SUMF1: variants seen among roughly 807,000 people sequenced by gnomAD.
The protein encoded by SUMF1 is sulfatase modifying factor 1.
SUMF1 carries 48 observed loss-of-function variants against 47.6 expected under a neutral mutation model. The ratio of observed to expected loss-of-function variants is 1.01; its 90% confidence interval spans 0.80 to 1.28. The LOEUF (loss-of-function observed/expected upper bound fraction) is 1.28, where lower values mean the gene tolerates loss of function less well. Among genes scored for constraint, SUMF1 ranks in the 50% most tolerant of loss-of-function variants. The pLI is 0.00. For synonymous variants in SUMF1, 230 were observed against 192.1 expected, an observed-to-expected ratio of 1.20 and a Z score of -1.63; for missense variants, 571 against 485.4, an observed-to-expected ratio of 1.18 and a Z score of -1.66.
chr3:4,034,908 A>G (rs1188475227), intron 9 of SUMF1, among the ~76,000 whole-genome samples: 1 of 151,856 alleles, frequency 6.6e-6, no homozygotes, highest in Non-Finnish European at 1.5e-5. Context: ...AGATCAGCAG[A>G]TTACGGTGTA....
intron 8 of SUMF1, among the ~76,000 whole-genome samples, chr3:4,137,563 T>C (rs139076896): frequency 2.6e-5 from 4 of 152,214 alleles, no homozygotes; most frequent in Non-Finnish European, 4.4e-5. Context: ...ATGGCACACG[T>C]ATACATAGGT....
chr3:4,258,961 T>C (rs1373087146), intron 8 of SUMF1, among the ~76,000 whole-genome samples: 1 of 147,914 alleles, frequency 6.8e-6, no homozygotes, highest in African/African-American at 2.5e-5. Context: ...ATGTCCTTTG[T>C]AGGGACATGG....
At chr3:4,057,513 C>T (rs1172827141) in intron 9 of SUMF1, among the ~76,000 whole-genome samples, 2 of 152,176 alleles carry the variant, frequency 1.3e-5, no homozygotes, top group African/African-American at 4.8e-5. Flanking sequence ...TCAAGTCCCA[C>T]CTTCACAATT....
chr3:4,354,609 AT>A (rs1559239685), intron 8 of SUMF1, among the ~76,000 whole-genome samples: 1 of 152,174 alleles, frequency 6.6e-6, no homozygotes, highest in Non-Finnish European at 1.5e-5. Context: ...AAGTTTGGGG[AT>A]TAATCATGCC....
chr3:4,214,064 T>C (rs1417221287), intron 8 of SUMF1, among the ~76,000 whole-genome samples: 1 of 152,148 alleles, frequency 6.6e-6, no homozygotes, highest in Non-Finnish European at 1.5e-5. Flanking sequence ...GCAGACCTAA[T>C]AGATATCTAC....
chr3:4,367,056 C>T (rs1473184121), intron 8 of SUMF1, among the ~76,000 whole-genome samples: 2 of 152,168 alleles, frequency 1.3e-5, no homozygotes, highest in Admixed American at 1.3e-4. Context: ...GCGAATGCTG[C>T]TGTCTGATTG....
chr3:4,054,251 T>C (rs575801329), intron 9 of SUMF1, among the ~76,000 whole-genome samples: 1 of 152,282 alleles, frequency 6.6e-6, no homozygotes, highest in East Asian at 1.9e-4. Flanking sequence ...AGCTCTAGTA[T>C]GGCTTTCAAA....
At chr3:4,386,682 A>G (rs1312240087) in intron 7 of SUMF1, among the ~76,000 whole-genome samples, 1 of 152,050 alleles carries the variant, frequency 6.6e-6, no homozygotes, top group Non-Finnish European at 1.5e-5. Context: ...CTTTTTCCCA[A>G]TATTAGTGGG....
intron 8 of SUMF1, among the ~76,000 whole-genome samples, chr3:4,213,450 G>A (rs1695844395): frequency 6.6e-6 from 1 of 152,144 alleles, no homozygotes; most frequent in African/African-American, 2.4e-5. Flanking sequence ...TCCAGCCACT[G>A]CAAAAACAAA....
At chr3:4,151,108 G>C (rs1318528121) in intron 8 of SUMF1, among the ~76,000 whole-genome samples, 1 of 151,222 alleles carries the variant, frequency 6.6e-6, no homozygotes, top group African/African-American at 2.5e-5. Context: ...AAACAGTGTA[G>C]CACAGTCTGT....
chr3:4,248,954 C>A (rs1044305398), intron 8 of SUMF1, among the ~76,000 whole-genome samples: 1 of 152,130 alleles, frequency 6.6e-6, no homozygotes. Context: ...ACAAACAGAC[C>A]ACCAGTGGCC....
At chr3:4,215,890 A>G (rs1024338204) in intron 8 of SUMF1, among the ~76,000 whole-genome samples, 20 of 152,198 alleles carry the variant, frequency 1.3e-4, no homozygotes, top group African/African-American at 3.9e-4. Context: ...GAAATAAGAG[A>G]GGTCACAAAC....
At chr3:4,070,289 C>A (rs1267624988) in intron 8 of SUMF1, among the ~76,000 whole-genome samples, 3 of 152,108 alleles carry the variant, frequency 2.0e-5, no homozygotes, top group Non-Finnish European at 4.4e-5. Flanking sequence ...GTTCTCAGGA[C>A]CTTCTGAAGG....
At chr3:4,426,174 C>T (rs1246103472) in intron 3 of SUMF1, among the ~76,000 whole-genome samples, 1 of 152,186 alleles carries the variant, frequency 6.6e-6, no homozygotes, top group African/African-American at 2.4e-5. Flanking sequence ...CATTCCTCAA[C>T]CTCCAAACTT....
chr3:4,287,469 G>A (rs1697656234), intron 8 of SUMF1, among the ~76,000 whole-genome samples: 3 of 150,654 alleles, frequency 2.0e-5, no homozygotes, highest in African/African-American at 4.9e-5. Context: ...GTTGGTCACC[G>A]CACAACCTTC....
At chr3:4,214,638 A>G (rs1695876748) in intron 8 of SUMF1, among the ~76,000 whole-genome samples, 1 of 152,176 alleles carries the variant, frequency 6.6e-6, no homozygotes, top group Admixed American at 6.5e-5. Context: ...GAAAAGATCA[A>G]CTAAATAGAT....
intron 8 of SUMF1, among the ~76,000 whole-genome samples, chr3:4,272,163 T>C (rs1175480882): frequency 6.6e-6 from 1 of 152,220 alleles, no homozygotes; most frequent in Non-Finnish European, 1.5e-5. Context: ...AGTGTAAATG[T>C]AATCTGTAAT....
chr3:4,253,403 G>C (rs535699681), intron 8 of SUMF1, among the ~76,000 whole-genome samples: 1 of 152,208 alleles, frequency 6.6e-6, no homozygotes, highest in Non-Finnish European at 1.5e-5. Context: ...CAGTGGGTGC[G>C]TGCACCGTGC....
intron 8 of SUMF1, among the ~76,000 whole-genome samples, chr3:4,363,994 G>C (rs1337548866): frequency 2.9e-5 from 4 of 140,168 alleles, no homozygotes; most frequent in Admixed American, 7.5e-5. Flanking sequence ...TGTGGTTTTT[G>C]TCTTTGGTTC....
Sources: allele counts gnomAD v4.1 joint callset (sites outside exome capture counted in the v4.1 genomes callset), GRCh38; gene constraint gnomAD v4.1.1; transcripts MANE v1.5; gene names NCBI Gene and HGNC (gene_info 2026-07-23, HGNC 2026-07-21).